PCOLCE2: variants seen among roughly 807,000 people sequenced by gnomAD.
PCOLCE2 encodes the protein procollagen C-endopeptidase enhancer 2, also known as procollagen C-proteinase enhancer 2.
In PCOLCE2, 42 loss-of-function variants were observed where a neutral mutation model predicts 47.0. The observed-to-expected ratio is 0.89, with a 90% CI of 0.70 to 1.16. The LOEUF is 1.16. PCOLCE2 is among the 50% of genes most tolerant of loss of function. The pLI is 0.00. For missense variants in PCOLCE2, 500 were observed against 526.1 expected (o/e 0.95, Z 0.49); for synonymous variants, 169 against 191.7 (o/e 0.88, Z 0.98).
At chr3:142,843,387 A>G in intron 3 of PCOLCE2, 1 of 435,096 alleles carries the variant, frequency 2.3e-6, no homozygotes, top group South Asian at 1.7e-5. Context: ...TAGAGATGTT[A>G]AGGCTCCTCA....
Position 142,820,973 on chromosome 3 carries a change from AT to A in PCOLCE2, c.1021del (p.Ile341SerfsTer16), listed in dbSNP as rs1163205415. ...AATCGCCAAATTTCCCTCTTTGTAG[AT>A]GTTGATGATCGAGACTGTGGCGTGC... ...SLHATVSIIN[I>X]YKEGNLAIQQ... On this transcript the variant is annotated frameshift_variant, in exon 8 of 9. Transcript: ENST00000295992. LOFTEE classifies it high-confidence loss of function. 6.2e-7 allele frequency: 1 copy of A among 1,613,986 alleles called. No homozygotes were observed. Among genetic ancestry groups the A allele is most frequent in the East Asian group, 2.2e-5 (1 of 44,872 alleles).
intron 2 of PCOLCE2, among the ~76,000 whole-genome samples, chr3:142,865,026 G>A (rs1933254503): frequency 6.6e-6 from 1 of 152,124 alleles, no homozygotes; most frequent in Non-Finnish European, 1.5e-5. Context: ...ACAACTGCTT[G>A]GTCATATGGT....
At chr3:142,861,307 T>C (rs1412219270) in intron 2 of PCOLCE2, among the ~76,000 whole-genome samples, 1 of 152,246 alleles carries the variant, frequency 6.6e-6, no homozygotes, top group Non-Finnish European at 1.5e-5. Flanking sequence ...CTTCATTCAT[T>C]TGTGCTGAGT....
Position 142,888,878 on chromosome 3 carries a change from AG to A in PCOLCE2, c.18del (p.Trp7GlyfsTer64), listed in dbSNP as rs767200031. 14 of 1,531,368 alleles carry A rather than the reference AG, an allele frequency of 9.1e-6. No homozygotes were observed. In the African/African-American group the frequency reaches 1.9e-4, roughly 20 times the overall value. 94.9% of individuals were successfully genotyped at this position (1,531,368 alleles called of 1,614,324 possible). On this transcript the variant is annotated frameshift_variant, in exon 1 of 9. Transcript: ENST00000295992. LOFTEE classifies it high-confidence loss of function. The stretch of plus-strand genomic sequence containing the variant: ...GCCAGCAGCAGGCAGAGTGGCGCCC[AG>A]GCGTTCGCGCCCCTCATGGCAGCGT... MRGAN[A>X]WAPLCLLLAA...
intron 5 of PCOLCE2, among the ~76,000 whole-genome samples, chr3:142,833,624 T>C (rs1272606967): frequency 6.6e-6 from 1 of 152,184 alleles, no homozygotes; most frequent in African/African-American, 2.4e-5. Context: ...CCCACCCTCA[T>C]TACAAACCAT....
chr3:142,878,894 C>T (rs375519065), intron 2 of PCOLCE2, among the ~76,000 whole-genome samples: 1 of 151,876 alleles, frequency 6.6e-6, no homozygotes, highest in Admixed American at 6.6e-5. Flanking sequence ...ATTAGGAGCC[C>T]TTTAAATGTT....
In PCOLCE2 at chr3:142,818,234, T is replaced by C; in HGVS notation, c.*101A>G. On this transcript the variant is annotated 3_prime_UTR_variant, in exon 9 of 9. Coordinates refer to ENST00000295992, the MANE Select transcript of PCOLCE2 (RefSeq NM_013363.4). ...CCAGTCCCATCTTTCGGAATCCTCT[T>C]TCAGAATATGTAATTTTATAAGTAT... 8.6e-7 allele frequency: 1 copy of C among 1,164,958 alleles called. No individual in the cohort carries two copies. 72.2% of individuals were successfully genotyped at this position (1,164,958 alleles called of 1,614,324 possible). A position where few individuals can be genotyped will look rare whatever the true frequency, so the allele number is the denominator to read the frequency against.
At chr3:142,852,373 C>T (rs1381322038) in intron 2 of PCOLCE2, among the ~76,000 whole-genome samples, 2 of 151,610 alleles carry the variant, frequency 1.3e-5, no homozygotes, top group Non-Finnish European at 1.5e-5. Context: ...AGTCTGTATC[C>T]TTGAATTTTC....
intron 2 of PCOLCE2, among the ~76,000 whole-genome samples, chr3:142,868,356 C>A (rs1007325326): frequency 1.3e-5 from 2 of 152,186 alleles, no homozygotes; most frequent in African/African-American, 4.8e-5. Context: ...CCAAAGCTAA[C>A]CTGAAAAACT....
chr3:142,819,004 G>A (rs1295271344), intron 8 of PCOLCE2, among the ~76,000 whole-genome samples: 1 of 152,200 alleles, frequency 6.6e-6, no homozygotes, highest in Non-Finnish European at 1.5e-5. Context: ...CCCATCATGT[G>A]TCTGGATTTT....
chr3:142,867,909 C>T (rs76104625), intron 2 of PCOLCE2, among the ~76,000 whole-genome samples: 10,395 of 152,184 alleles, frequency 0.068, 385 homozygotes, highest in African/African-American at 0.1. Flanking sequence ...TTGTGGAGGA[C>T]TGTGACTTCG....
In PCOLCE2 at chr3:142,829,434, C is replaced by G. The variant is rs561541106; in HGVS notation, c.865+258G>C. 3.3e-5 allele frequency among the ~76,000 whole-genome samples: 5 copies of G among 152,240 alleles called. No individual in the cohort carries two copies. In the East Asian group the frequency reaches 9.6e-4, roughly 29 times the overall value. ...AACAGAAACTTAGTCTTAGAATGAT[C>G]TGTGCTTCTAATAGGCTTCCTAGTC... is the stretch of plus-strand genomic sequence containing the variant. On this transcript the variant is annotated intron_variant, in intron 6 of 8. Coordinates refer to ENST00000295992, the MANE Select transcript of PCOLCE2 (RefSeq NM_013363.4).
chr3:142,823,425 GC>G lies in PCOLCE2; in HGVS notation c.949+106del, dbSNP rs1201832752. On this transcript the variant is annotated intron_variant, in intron 7 of 8. Coordinates refer to ENST00000295992, the MANE Select transcript of PCOLCE2 (RefSeq NM_013363.4). The stretch of plus-strand genomic sequence containing the variant: ...GGCAAGTATTTTCTTGGATAAATGA[GC>G]AGCGTTATTGACCCTTCACCATAAA... The G allele has an allele frequency of 4.5e-6, 3 of 665,130 alleles. No individual in the cohort carries two copies. The African/African-American group carries it at 5.4e-5, about 12-fold the overall frequency. The allele number at this position is 665,130 out of a possible 1,614,324, so 41.2% of individuals were successfully genotyped here. A position where few individuals can be genotyped will look rare whatever the true frequency, so the allele number is the denominator to read the frequency against.
chr3:142,821,947 C>A (rs1225227083), intron 7 of PCOLCE2, among the ~76,000 whole-genome samples: 1 of 151,802 alleles, frequency 6.6e-6, no homozygotes, highest in African/African-American at 2.4e-5. Flanking sequence ...GATGGAGTTT[C>A]GCTCTTGTTG....
chr3:142,833,976 G>A (rs1393282637), intron 5 of PCOLCE2, among the ~76,000 whole-genome samples: 2 of 151,766 alleles, frequency 1.3e-5, no homozygotes, highest in African/African-American at 4.8e-5. Flanking sequence ...TTGATTTTTT[G>A]TGTGATATTA....
intron 3 of PCOLCE2, among the ~76,000 whole-genome samples, chr3:142,846,286 C>T (rs113982974): frequency 0.024 from 3,641 of 152,278 alleles, 147 homozygotes; most frequent in African/African-American, 0.082. Flanking sequence ...GCAACCTCTG[C>T]CTGCAGGTTC....
intron 4 of PCOLCE2, among the ~76,000 whole-genome samples, chr3:142,840,893 G>C (rs1370263304): frequency 6.6e-6 from 1 of 152,028 alleles, no homozygotes; most frequent in African/African-American, 2.4e-5. Context: ...GGCCAACACG[G>C]TGAAACCCCA....
At chr3:142,857,254 G>A (rs559295815) in intron 2 of PCOLCE2, among the ~76,000 whole-genome samples, 23 of 152,226 alleles carry the variant, frequency 1.5e-4, no homozygotes, top group Non-Finnish European at 3.2e-4. Context: ...GGAGTAAATA[G>A]CACCTAGTGG....
rs1560144680 is a variant in PCOLCE2 at position 142,888,878 on chromosome 3, A to G, written c.19T>C (p.Trp7Arg). The G allele has an allele frequency of 1.3e-6, 2 of 1,531,368 alleles. No homozygotes were observed. The highest frequency in any genetic ancestry group is 8.8e-7 in the Non-Finnish European group (1 of 1,142,140). 94.9% of individuals were successfully genotyped at this position (1,531,368 alleles called of 1,614,324 possible). Residue 7 changes from tryptophan to arginine, a missense_variant, in exon 1 of 9, where the codon TGG (tryptophan) becomes CGG (arginine). Transcript: ENST00000295992. ...GCCAGCAGCAGGCAGAGTGGCGCCCAGGCGTTCGCGCCCCTCATGGCAGCG... is the reference window on the plus strand; with the variant it reads ...GCCAGCAGCAGGCAGAGTGGCGCCCGGGCGTTCGCGCCCCTCATGGCAGCG... MRGANA[W>R]APLCLLLAAA...
Sources: gnomAD v4.1 joint callset for allele counts (sites outside exome capture counted in the v4.1 genomes callset) on GRCh38, gnomAD v4.1.1 for gene constraint, MANE v1.5 for transcripts, NCBI Gene and HGNC (gene_info 2026-07-23, HGNC 2026-07-21) for gene names.